The following RABGAP1L variants were observed in gnomAD, a reference collection of about 807,000 sequenced individuals.
RABGAP1L encodes RAB GTPase activating protein 1 like.
Under a neutral mutation model 137.7 loss-of-function variants are expected in RABGAP1L, and 63 were observed. The ratio of observed to expected loss-of-function variants is 0.46; its 90% CI spans 0.37 to 0.56. The LOEUF (loss-of-function observed/expected upper bound fraction) is 0.56, where lower values mean the gene tolerates loss of function less well. RABGAP1L is among the 20% of genes least tolerant of loss of function. RABGAP1L has a pLI of 0.00. For synonymous variants in RABGAP1L, 431 were observed against 433.7 expected, an observed-to-expected ratio of 0.99 and a Z score of 0.08; for missense variants, 1,095 against 1,244.0, an observed-to-expected ratio of 0.88 and a Z score of 1.80.
intron 18 of RABGAP1L, among the ~76,000 whole-genome samples, chr1:174,774,367 G>A (rs548657909): frequency 6.6e-6 from 1 of 152,128 alleles, no homozygotes; most frequent in Non-Finnish European, 1.5e-5. Context: ...GAGGCAGGAG[G>A]ATCACATGAG....
At chr1:174,327,536 A>T (rs1680544306) in intron 11 of RABGAP1L, among the ~76,000 whole-genome samples, 1 of 152,086 alleles carries the variant, frequency 6.6e-6, no homozygotes, top group South Asian at 2.1e-4. Context: ...AAACATACTG[A>T]TAGAGAAAAC....
Position 174,400,694 on chromosome 1 carries a change from CCTCTT to C in RABGAP1L, c.1710+6555_1710+6559del, listed in dbSNP as rs1297321280. Among the ~76,000 whole-genome samples the C allele has an allele frequency of 5.3e-5, 8 of 152,160 alleles. No individual in the cohort carries two copies. In the East Asian group the frequency reaches 1.2e-3, roughly 22 times the overall value. The stretch of plus-strand genomic sequence containing the variant: ...TGAGCAGCTGTTCCTGGTGAACTAA[CCTCTT>C]CTCTTTTTGCCAGGGAGGAGGTGGC... On this transcript the variant is annotated intron_variant, in intron 13 of 25. Coordinates refer to ENST00000681986, the MANE Select transcript of RABGAP1L (RefSeq NM_001366446.1).
intron 17 of RABGAP1L, among the ~76,000 whole-genome samples, chr1:174,717,245 A>G (rs1035088287): frequency 3.9e-5 from 6 of 152,102 alleles, no homozygotes; most frequent in African/African-American, 7.2e-5. Context: ...CCCTGTGTCT[A>G]TCAAAAGTTA....
At chr1:174,559,206 A>G (rs567055170) in intron 13 of RABGAP1L, among the ~76,000 whole-genome samples, 32 of 152,198 alleles carry the variant, frequency 2.1e-4, no homozygotes, top group African/African-American at 7.5e-4. Context: ...AATAGGTACT[A>G]TATTTTCTAT....
At chr1:174,231,449 A>G (rs1048367102) in intron 4 of RABGAP1L, 94 bp downstream of exon 4, 2 of 1,131,392 alleles carry the variant, frequency 1.8e-6, no homozygotes, top group Non-Finnish European at 2.7e-6. Flanking sequence ...ACTTACTGTG[A>G]ACTCACACTG....
At chr1:174,870,404 T>C (rs944156118) in intron 19 of RABGAP1L, among the ~76,000 whole-genome samples, 2 of 152,222 alleles carry the variant, frequency 1.3e-5, no homozygotes, top group Non-Finnish European at 2.9e-5. Context: ...CATAGCTTTT[T>C]TTATAGTCTG....
At chr1:174,464,863 T>C (rs1408846665) in intron 13 of RABGAP1L, among the ~76,000 whole-genome samples, 3 of 152,178 alleles carry the variant, frequency 2.0e-5, no homozygotes, top group Non-Finnish European at 2.9e-5. Context: ...ATAGGAACTT[T>C]AGGTTAACTG....
At chr1:174,491,345 G>T (rs1660210977) in intron 13 of RABGAP1L, among the ~76,000 whole-genome samples, 1 of 151,996 alleles carries the variant, frequency 6.6e-6, no homozygotes, top group South Asian at 2.1e-4. Context: ...TTCTGGCTGA[G>T]GGAGTTTCTC....
rs778329213 is a variant in RABGAP1L at position 174,976,075 on chromosome 1, C to T, written c.2545-3C>T. 6.5e-7 allele frequency: 1 copy of T among 1,549,586 alleles called. No homozygotes were observed. The highest frequency in any genetic ancestry group is 1.2e-5 in the South Asian group (1 of 84,002). ...TATGACTGTGATGCACCATGATTTGCAGGCAGAAGACAAGGCAGATGTGTT... is the reference window on the plus strand; with the variant it reads ...TATGACTGTGATGCACCATGATTTGTAGGCAGAAGACAAGGCAGATGTGTT... On this transcript the variant is annotated splice_region_variant and splice_polypyrimidine_tract_variant and intron_variant, in intron 21 of 25. Coordinates refer to ENST00000681986, the MANE Select transcript of RABGAP1L (RefSeq NM_001366446.1).
At chr1:174,944,265 A>G (rs1036403197) in intron 19 of RABGAP1L, among the ~76,000 whole-genome samples, 2 of 143,316 alleles carry the variant, frequency 1.4e-5, no homozygotes, top group African/African-American at 5.2e-5. Context: ...CAACAGAACA[A>G]GACTGTCTCA....
intron 18 of RABGAP1L, among the ~76,000 whole-genome samples, chr1:174,765,813 G>A (rs765440031): frequency 6.6e-6 from 1 of 152,054 alleles, no homozygotes; most frequent in Admixed American, 6.6e-5. Context: ...CTAAGGTCAC[G>A]AAAATTTCTT....
At chr1:174,314,890 A>G (rs972842062) in intron 11 of RABGAP1L, among the ~76,000 whole-genome samples, 1 of 152,078 alleles carries the variant, frequency 6.6e-6, no homozygotes, top group Non-Finnish European at 1.5e-5. Flanking sequence ...AATGTTTTAA[A>G]ACTTATTTTG....
At chr1:174,571,201 T>G (rs1288685456) in intron 13 of RABGAP1L, among the ~76,000 whole-genome samples, 1 of 152,102 alleles carries the variant, frequency 6.6e-6, no homozygotes, top group African/African-American at 2.4e-5. Flanking sequence ...CTCACTTATT[T>G]TTGAGATCTA....
At chr1:174,525,137 G>A (rs1009054467) in intron 13 of RABGAP1L, among the ~76,000 whole-genome samples, 2 of 151,814 alleles carry the variant, frequency 1.3e-5, no homozygotes, top group Admixed American at 6.6e-5. Flanking sequence ...CTCTTTTTTG[G>A]TTCCATAAAC....
chr1:174,925,956 C>T (rs1203544777), intron 19 of RABGAP1L, among the ~76,000 whole-genome samples: 1 of 146,540 alleles, frequency 6.8e-6, no homozygotes, highest in Non-Finnish European at 1.5e-5. Context: ...CCTCTCCTCC[C>T]AGGTTCAAGT....
In RABGAP1L at chr1:174,342,699, C is replaced by A. The variant is rs181186403; in HGVS notation, c.1466-28280C>A. 1.2e-3 allele frequency among the ~76,000 whole-genome samples: 189 copies of A among 151,814 alleles called. 1 individual carries two copies. Among genetic ancestry groups the A allele is most frequent in the African/African-American group, 4.5e-3 (185 of 41,434 alleles). ...TTTAAATCAACAGATGTAAAATGGA[C>A]CATTCCTCTTCCCTGCCCACCAATT... On this transcript the variant is annotated intron_variant, in intron 11 of 25. Coordinates refer to ENST00000681986, the MANE Select transcript of RABGAP1L (RefSeq NM_001366446.1).
At chr1:174,946,126 G>A (rs1455991491) in intron 19 of RABGAP1L, among the ~76,000 whole-genome samples, 1 of 151,362 alleles carries the variant, frequency 6.6e-6, no homozygotes, top group Non-Finnish European at 1.5e-5. Context: ...CGTTATGCCT[G>A]GTAATGTGGC....
chr1:174,304,524 T>A (rs1006594401), intron 10 of RABGAP1L, among the ~76,000 whole-genome samples: 6 of 151,998 alleles, frequency 3.9e-5, no homozygotes, highest in Non-Finnish European at 5.9e-5. Context: ...ACAAAAAATA[T>A]AACAACTATA....
chr1:174,442,049 AT>A (rs946386274), intron 13 of RABGAP1L, among the ~76,000 whole-genome samples: 4 of 151,976 alleles, frequency 2.6e-5, no homozygotes, highest in Admixed American at 1.3e-4. Flanking sequence ...TCTGAATGAT[AT>A]TTTTTGCCAT....
Sources: gnomAD v4.1 joint callset for allele counts (sites outside exome capture counted in the v4.1 genomes callset) on GRCh38, gnomAD v4.1.1 for gene constraint, MANE v1.5 for transcripts, NCBI Gene and HGNC (gene_info 2026-07-23, HGNC 2026-07-21) for gene names.